Variants in PVT1 observed in about 807,000 individuals in gnomAD.
The protein encoded by PVT1 is Pvt1 oncogene.
At chr8:128,016,333 G>T (rs1313327101) in intron 4 of PVT1, among the ~76,000 whole-genome samples, 1 of 151,546 alleles carries the variant, frequency 6.6e-6, no homozygotes, top group African/African-American at 2.4e-5. Context: ...ATACCTTAGT[G>T]TTGCTCAAGA....
chr8:128,010,106 G>A (rs1288288128), intron 4 of PVT1: 3 of 152,160 alleles, frequency 2.0e-5, no homozygotes, highest in Non-Finnish European at 4.4e-5. Flanking sequence ...TGTACATCAA[G>A]CCTCTATGTG....
chr8:128,032,402 C>T (rs542639366), intron 4 of PVT1, among the ~76,000 whole-genome samples: 1 of 152,176 alleles, frequency 6.6e-6, no homozygotes, highest in Non-Finnish European at 1.5e-5. Flanking sequence ...TTCCGTTGAC[C>T]TCTCCAGACA....
chr8:128,034,355 C>G (rs1180979242), intron 4 of PVT1, among the ~76,000 whole-genome samples: 1 of 152,210 alleles, frequency 6.6e-6, no homozygotes, highest in African/African-American at 2.4e-5. Flanking sequence ...CCTTCTGGAT[C>G]TGGGGGAAGA....
chr8:127,887,618 C>T (rs1292378861), intron 2 of PVT1, among the ~76,000 whole-genome samples: 2 of 152,118 alleles, frequency 1.3e-5, no homozygotes, highest in Admixed American at 6.6e-5. Flanking sequence ...CTCCACCTCC[C>T]GAGTTCAAGT....
intron 3 of PVT1, among the ~76,000 whole-genome samples, chr8:127,943,725 C>T (rs1250739477): frequency 6.6e-6 from 1 of 152,148 alleles, no homozygotes; most frequent in Non-Finnish European, 1.5e-5. Flanking sequence ...TGTTGAGAAC[C>T]ACTAATCTAG....
At chr8:127,942,011 C>T (rs566421882) in intron 3 of PVT1, among the ~76,000 whole-genome samples, 14 of 152,288 alleles carry the variant, frequency 9.2e-5, no homozygotes, top group Non-Finnish European at 1.3e-4. Context: ...TGTCAGGAAA[C>T]GACTCCCTTC....
chr8:127,885,313 A>G (rs1161609831), intron 2 of PVT1, among the ~76,000 whole-genome samples: 2 of 152,144 alleles, frequency 1.3e-5, no homozygotes, highest in Non-Finnish European at 2.9e-5. Flanking sequence ...TAAGTCCTTT[A>G]TGTTGTTTAT....
intron 3 of PVT1, among the ~76,000 whole-genome samples, chr8:127,921,491 T>C (rs1258336582): frequency 6.6e-6 from 1 of 152,166 alleles, no homozygotes; most frequent in Non-Finnish European, 1.5e-5. Context: ...TGTACACAAC[T>C]CAGCAAATTA....
chr8:127,916,594 C>A (rs1426641901), intron 3 of PVT1, among the ~76,000 whole-genome samples: 1 of 152,178 alleles, frequency 6.6e-6, no homozygotes, highest in Non-Finnish European at 1.5e-5. Context: ...TCGTTCTGGT[C>A]TCTGGATTTT....
intron 2 of PVT1, among the ~76,000 whole-genome samples, chr8:127,819,948 G>T (rs1290047460): frequency 6.6e-6 from 1 of 152,140 alleles, no homozygotes; most frequent in African/African-American, 2.4e-5. Flanking sequence ...AGGATCATCC[G>T]CATTCTTTCA....
intron 2 of PVT1, among the ~76,000 whole-genome samples, chr8:127,809,961 G>A (rs1814574110): frequency 6.6e-6 from 1 of 152,250 alleles, no homozygotes; most frequent in Non-Finnish European, 1.5e-5. Flanking sequence ...GCCCTGGCCA[G>A]ACCCAGCCGG....
chr8:127,858,162 G>A (rs922709574), intron 2 of PVT1, among the ~76,000 whole-genome samples: 2 of 152,110 alleles, frequency 1.3e-5, no homozygotes, highest in African/African-American at 2.4e-5. Flanking sequence ...AGGCCAAGGC[G>A]GCTGGATCAT....
intron 2 of PVT1, among the ~76,000 whole-genome samples, chr8:127,884,557 A>C (rs1299722763): frequency 6.6e-6 from 1 of 152,234 alleles, no homozygotes; most frequent in African/African-American, 2.4e-5. Context: ...AGTTTCCCAA[A>C]GTGGTTGTTT....
intron 2 of PVT1, among the ~76,000 whole-genome samples, chr8:127,836,290 T>A (rs943093664): frequency 6.6e-6 from 1 of 152,242 alleles, no homozygotes; most frequent in African/African-American, 2.4e-5. Flanking sequence ...TATTCTTTTT[T>A]TAAAATTAAT....
chr8:127,966,033 G>A (rs1279161802), intron 3 of PVT1, among the ~76,000 whole-genome samples: 5 of 152,182 alleles, frequency 3.3e-5, no homozygotes, highest in African/African-American at 9.7e-5. Context: ...TTTTGCCAGA[G>A]GCACATGGAG....
intron 2 of PVT1, among the ~76,000 whole-genome samples, chr8:127,880,536 T>C (rs1475438559): frequency 6.6e-6 from 1 of 150,692 alleles, no homozygotes; most frequent in Non-Finnish European, 1.5e-5. Flanking sequence ...GACCTCATGA[T>C]CCGCCTGTCT....
chr8:127,834,107 C>T (rs1476307411), intron 2 of PVT1, among the ~76,000 whole-genome samples: 1 of 152,040 alleles, frequency 6.6e-6, no homozygotes, highest in African/African-American at 2.4e-5. Flanking sequence ...TGCTTACAAC[C>T]TCACCTACAC....
At chr8:127,927,867 G>A (rs758974373) in intron 3 of PVT1, among the ~76,000 whole-genome samples, 3 of 152,226 alleles carry the variant, frequency 2.0e-5, no homozygotes, top group Non-Finnish European at 4.4e-5. Context: ...ACTGAGCAAA[G>A]CTCATAGGAT....
chr8:128,092,291 G>A (rs919524201), intron 5 of PVT1, among the ~76,000 whole-genome samples: 4 of 151,736 alleles, frequency 2.6e-5, no homozygotes, highest in South Asian at 2.1e-4. Context: ...TAATTGTCAC[G>A]TCAGACAGAT....
Sources: allele counts gnomAD v4.1 joint callset (sites outside exome capture counted in the v4.1 genomes callset), GRCh38; gene constraint gnomAD v4.1.1; transcripts MANE v1.5; gene names NCBI Gene and HGNC (gene_info 2026-07-23, HGNC 2026-07-21).